Variants in GRAMD1B observed in about 807,000 individuals in gnomAD.
The protein encoded by GRAMD1B is protein Aster-B.
Under a neutral mutation model 99.7 loss-of-function variants are expected in GRAMD1B, and 37 were observed. That is an observed-to-expected ratio of 0.37 (90% CI 0.29 to 0.49). The LOEUF is 0.49. Among genes scored for constraint, GRAMD1B ranks in the 20% least tolerant of loss-of-function variants. The probability of loss-of-function intolerance (pLI) is 0.98; values close to 1 mark genes in which losing one functional copy is unlikely to be tolerated. For synonymous variants in GRAMD1B, 427 were observed against 387.6 expected, an observed-to-expected ratio of 1.10 and a Z score of -1.19; for missense variants, 888 against 1,009.2, an observed-to-expected ratio of 0.88 and a Z score of 1.63.
intron 2 of GRAMD1B, among the ~76,000 whole-genome samples, chr11:123,566,821 A>G (rs1260965532): frequency 1.3e-5 from 2 of 152,158 alleles, no homozygotes; most frequent in African/African-American, 2.4e-5. Context: ...CATGGACTAT[A>G]TATCTGCAAC....
intron 1 of GRAMD1B, among the ~76,000 whole-genome samples, chr11:123,421,655 T>C (rs1039976500): frequency 1.3e-5 from 2 of 152,238 alleles, no homozygotes; most frequent in Non-Finnish European, 2.9e-5. Flanking sequence ...TATAAAAATT[T>C]CCAACTGTCA....
chr11:123,510,951 G>A lies in GRAMD1B; in HGVS notation c.452+30058G>A, dbSNP rs57133971. On this transcript the variant is annotated intron_variant, in intron 2 of 19. Coordinates refer to ENST00000635736, the MANE Select transcript of GRAMD1B (RefSeq NM_001387025.1). The surrounding 1 kb of genome is among the most constrained non-coding windows in gnomAD (Gnocchi z 4.3). Reference sequence around the variant, plus strand: ...AGTGGGTGGATGAGGGGTGCAGGGTGGGGGGTGGAGGTATCTGTAGCTTTC... The same window carrying A: ...AGTGGGTGGATGAGGGGTGCAGGGTAGGGGGTGGAGGTATCTGTAGCTTTC... Among the ~76,000 whole-genome samples, 65 of 152,140 alleles carry A rather than the reference G, an allele frequency of 4.3e-4. No individual in the cohort carries two copies. Among genetic ancestry groups the A allele is most frequent in the African/African-American group, 1.2e-3 (49 of 41,528 alleles).
intron 1 of GRAMD1B, among the ~76,000 whole-genome samples, chr11:123,380,324 C>G (rs550568497): frequency 3.9e-5 from 6 of 152,274 alleles, no homozygotes; most frequent in Non-Finnish European, 7.4e-5. Flanking sequence ...GGTCTTTGAT[C>G]CTCATGGTCT....
At chr11:123,467,536 C>T (rs1388382954) in intron 1 of GRAMD1B, among the ~76,000 whole-genome samples, 3 of 151,616 alleles carry the variant, frequency 2.0e-5, no homozygotes. Context: ...AGAATTGGAC[C>T]ACAACTTTGA....
chr11:123,409,692 C>T (rs759355011), intron 1 of GRAMD1B, among the ~76,000 whole-genome samples: 22 of 152,288 alleles, frequency 1.4e-4, no homozygotes, highest in Admixed American at 6.5e-4. Context: ...CTTCTGCCTG[C>T]AGCCAGCATG....
chr11:123,480,453 G>C (rs1049501418), intron 1 of GRAMD1B, among the ~76,000 whole-genome samples: 2 of 152,134 alleles, frequency 1.3e-5, no homozygotes, highest in African/African-American at 4.8e-5. Context: ...CCGGTGGGCT[G>C]AGGAGAATGG....
At chr11:123,398,645 T>C (rs185946880) in intron 1 of GRAMD1B, among the ~76,000 whole-genome samples, 7 of 152,364 alleles carry the variant, frequency 4.6e-5, no homozygotes, top group African/African-American at 1.7e-4. Context: ...TGGTATCCTA[T>C]TGTGGTTTTA....
intron 2 of GRAMD1B, among the ~76,000 whole-genome samples, chr11:123,522,908 T>G (rs1942335096): frequency 6.6e-6 from 1 of 152,258 alleles, no homozygotes; most frequent in African/African-American, 2.4e-5. Context: ...TAAACCAGTT[T>G]GTCTGATAGA....
intron 2 of GRAMD1B, among the ~76,000 whole-genome samples, chr11:123,557,714 A>C (rs1317187509): frequency 6.6e-6 from 1 of 152,230 alleles, no homozygotes; most frequent in East Asian, 1.9e-4. Context: ...TGATAGGACT[A>C]ACATTTGAAG....
At chr11:123,410,249 C>A (rs755858561) in intron 1 of GRAMD1B, among the ~76,000 whole-genome samples, 3 of 150,978 alleles carry the variant, frequency 2.0e-5, no homozygotes, top group Non-Finnish European at 4.4e-5. Context: ...AAACAAAAAA[C>A]AAACAAACAA....
intron 2 of GRAMD1B, among the ~76,000 whole-genome samples, chr11:123,558,026 C>G (rs1946339408): frequency 6.7e-6 from 1 of 149,692 alleles, no homozygotes; most frequent in African/African-American, 2.5e-5. Context: ...CTCTGTCGCC[C>G]AGGCTGGAGT....
chr11:123,413,392 T>C (rs949124515), intron 1 of GRAMD1B, among the ~76,000 whole-genome samples: 1 of 152,168 alleles, frequency 6.6e-6, no homozygotes, highest in Non-Finnish European at 1.5e-5. Flanking sequence ...ATTGCATTAA[T>C]GGCAGTGCTG....
At chr11:123,403,719 T>C (rs901450173) in intron 1 of GRAMD1B, among the ~76,000 whole-genome samples, 1 of 151,682 alleles carries the variant, frequency 6.6e-6, no homozygotes, top group Non-Finnish European at 1.5e-5. Flanking sequence ...AATTTTTGTA[T>C]TTTTAGTAGA....
chr11:123,437,642 G>T (rs1290824869), intron 1 of GRAMD1B, among the ~76,000 whole-genome samples: 2 of 152,152 alleles, frequency 1.3e-5, no homozygotes, highest in Non-Finnish European at 2.9e-5. Context: ...GGGCCTCAGG[G>T]TTTCCACTTA....
At chr11:123,388,254 T>C (rs1305010493) in intron 1 of GRAMD1B, among the ~76,000 whole-genome samples, 1 of 151,736 alleles carries the variant, frequency 6.6e-6, no homozygotes, top group Admixed American at 6.6e-5. Flanking sequence ...TATCCCCCAA[T>C]ATGAACCCCA....
intron 2 of GRAMD1B, among the ~76,000 whole-genome samples, chr11:123,506,041 T>C (rs1940390915): frequency 6.6e-6 from 1 of 152,224 alleles, no homozygotes; most frequent in Non-Finnish European, 1.5e-5. Context: ...GGATTTCACC[T>C]CTTTGGCAAA....
In GRAMD1B at chr11:123,591,040, G is replaced by C. The variant is rs558428906; in HGVS notation, c.685-3042G>C. On this transcript the variant is annotated intron_variant, in intron 4 of 19. Coordinates refer to ENST00000635736, the MANE Select transcript of GRAMD1B (RefSeq NM_001387025.1). This position sits in a 1 kb window ranked among gnomAD's most constrained non-coding sequence, Gnocchi z 4.7. ...GCCATCTGCATCCTCTGGACCCTTG[G>C]GGTGACTGTCTGCACTGACCAGGTG... 1 of 169,358 alleles carries C rather than the reference G, an allele frequency of 5.9e-6. No homozygotes were observed. Among genetic ancestry groups the C allele is most frequent in the Non-Finnish European group, 1.2e-5 (1 of 80,352 alleles). The allele number at this position is 169,358 out of a possible 1,614,324, so 10.5% of individuals were successfully genotyped here. A position where few individuals can be genotyped will look rare whatever the true frequency, so the allele number is the denominator to read the frequency against.
At chr11:123,366,593 T>C (rs932215020) in intron 1 of GRAMD1B, among the ~76,000 whole-genome samples, 5 of 152,230 alleles carry the variant, frequency 3.3e-5, no homozygotes, top group Admixed American at 6.5e-5. Context: ...GTTTTGGCAA[T>C]TGATCTTGAG....
intron 1 of GRAMD1B, among the ~76,000 whole-genome samples, chr11:123,373,192 T>TA (rs2135743381): frequency 1.3e-5 from 2 of 152,328 alleles, no homozygotes; most frequent in South Asian, 4.1e-4. Context: ...GAGCTTTTTT[T>TA]ACCCTAAAAT....
Sources: gnomAD v4.1 joint callset for allele counts (sites outside exome capture counted in the v4.1 genomes callset) on GRCh38, gnomAD v4.1.1 for gene constraint, Gnocchi (gnomAD v3.1) non-coding constraint, MANE v1.5 for transcripts, NCBI Gene and HGNC (gene_info 2026-07-23, HGNC 2026-07-21) for gene names.